The following DPP6 variants were observed in gnomAD, a reference collection of about 807,000 sequenced individuals.
DPP6 encodes the protein A-type potassium channel modulatory protein DPP6.
DPP6 carries 69 observed loss-of-function variants against 122.6 expected under a neutral mutation model. The observed-to-expected ratio is 0.56, with a 90% CI of 0.46 to 0.69. The LOEUF is 0.69. Ranked by LOEUF, DPP6 falls within the 30% of genes least tolerant of loss-of-function variation. The probability of loss-of-function intolerance (pLI) is 0.00; values close to 1 mark genes in which losing one functional copy is unlikely to be tolerated. For missense variants in DPP6, 928 were observed against 1,116.9 expected, an observed-to-expected ratio of 0.83 and a Z score of 2.41; for synonymous variants, 418 against 433.1, an observed-to-expected ratio of 0.97 and a Z score of 0.43.
At chr7:153,907,522 G>A (rs757175779) in intron 1 of DPP6, among the ~76,000 whole-genome samples, 2 of 152,236 alleles carry the variant, frequency 1.3e-5, no homozygotes, top group Non-Finnish European at 2.9e-5. Context: ...CAGTGCCCAG[G>A]TACGTTGTGA....
intron 1 of DPP6, among the ~76,000 whole-genome samples, chr7:154,344,433 G>A (rs1287765406): frequency 7.9e-5 from 12 of 152,192 alleles, no homozygotes; most frequent in African/African-American, 2.7e-4. Flanking sequence ...TGGCGAGGAT[G>A]TGGAGAAAAG....
chr7:154,157,323 G>T (rs62487215), intron 1 of DPP6, among the ~76,000 whole-genome samples: 5,068 of 152,306 alleles, frequency 0.033, 114 homozygotes, highest in East Asian at 0.053. Flanking sequence ...GGAAAGCCAG[G>T]AGCCCGGCAC....
intron 1 of DPP6, among the ~76,000 whole-genome samples, chr7:154,378,804 C>T (rs551203348): frequency 3.2e-4 from 49 of 152,298 alleles, no homozygotes; most frequent in African/African-American, 1.2e-3. Context: ...ACAATCAAGG[C>T]AGAAGGCAAA....
At chr7:153,898,106 C>T (rs955672807) in intron 1 of DPP6, among the ~76,000 whole-genome samples, 16 of 152,156 alleles carry the variant, frequency 1.1e-4, no homozygotes, top group African/African-American at 3.6e-4. Context: ...TTCTCATGTT[C>T]AATAGCACAG....
rs923456165 is a variant in DPP6 at position 154,246,595 on chromosome 7, A to C, written c.243+193532A>C. On this transcript the variant is annotated intron_variant, in intron 1 of 25. Coordinates refer to ENST00000377770, the MANE Select transcript of DPP6 (RefSeq NM_130797.4). ...GAATAGCTGAAACAGTCTTGAAAAA[A>C]AGAACAAATTTCAATAACTTCCACA... Among the ~76,000 whole-genome samples, 2 of 152,236 alleles carry C rather than the reference A, an allele frequency of 1.3e-5. 1 individual carries two copies. The highest frequency in any genetic ancestry group is 1.3e-4 in the Admixed American group (2 of 15,280).
intron 1 of DPP6, among the ~76,000 whole-genome samples, chr7:154,191,457 C>T (rs947477974): frequency 6.6e-6 from 1 of 152,118 alleles, no homozygotes; most frequent in Non-Finnish European, 1.5e-5. Flanking sequence ...ATCATAAGTG[C>T]AATGTGCGCA....
At chr7:154,831,756 G>C (rs578055125) in intron 16 of DPP6, among the ~76,000 whole-genome samples, 1 of 152,204 alleles carries the variant, frequency 6.6e-6, no homozygotes, top group Admixed American at 6.5e-5. Flanking sequence ...TATACCACGG[G>C]GTTTCTTTGC....
chr7:154,882,173 C>T (rs1033921752), intron 21 of DPP6, among the ~76,000 whole-genome samples: 1 of 152,176 alleles, frequency 6.6e-6, no homozygotes, highest in African/African-American at 2.4e-5. Flanking sequence ...CACAGAGAGG[C>T]TTTCTCAACA....
intron 1 of DPP6, among the ~76,000 whole-genome samples, chr7:154,306,838 C>T (rs1806390854): frequency 6.6e-6 from 1 of 152,162 alleles, no homozygotes; most frequent in Non-Finnish European, 1.5e-5. Flanking sequence ...TATAGCTTGA[C>T]AGGTTCAAAA....
At chr7:154,525,394 G>A (rs4725548) in intron 3 of DPP6, among the ~76,000 whole-genome samples, 4,267 of 152,290 alleles carry the variant, frequency 0.028, 95 homozygotes, top group East Asian at 0.087. Context: ...CTGGGCTCAA[G>A]CTATTCTCCT....
Position 154,100,640 on chromosome 7 carries a change from G to A in DPP6, c.243+47577G>A, listed in dbSNP as rs1402459061. Among the ~76,000 whole-genome samples, 7 of 85,694 alleles carry A rather than the reference G, an allele frequency of 8.2e-5. 2 individuals are homozygous for A. Among genetic ancestry groups the A allele is most frequent in the Non-Finnish European group, 1.5e-4 (7 of 46,132 alleles). 56.2% of individuals were successfully genotyped at this position (85,694 alleles called of 152,430 possible). A position where few individuals can be genotyped will look rare whatever the true frequency, so the allele number is the denominator to read the frequency against. ...TCTGCTCTGGCCTTCCGAGGCTTCC[G>A]CACTGCTGGCAGATGCTCCCCACGT... On this transcript the variant is annotated intron_variant, in intron 1 of 25. Transcript: ENST00000377770.
chr7:153,951,640 A>ATTATT (rs999956142), intron 1 of DPP6, among the ~76,000 whole-genome samples: 1 of 152,120 alleles, frequency 6.6e-6, no homozygotes, highest in Non-Finnish European at 1.5e-5. Context: ...GCGTGGTGAG[A>ATTATT]TTATTTTATT....
the DPP6 span, among the ~76,000 whole-genome samples, chr7:153,876,192 C>G: frequency 6.6e-6 from 1 of 151,850 alleles, no homozygotes; most frequent in Admixed American, 6.6e-5. Flanking sequence ...GACAAATCTA[C>G]AATCTTAGAT....
the DPP6 span, among the ~76,000 whole-genome samples, chr7:153,796,398 T>C: frequency 6.9e-6 from 1 of 144,392 alleles, no homozygotes; most frequent in East Asian, 2.0e-4. Context: ...TGAAATCTAC[T>C]TTATCTGATA....
chr7:154,142,541 C>T (rs1441955173), intron 1 of DPP6, among the ~76,000 whole-genome samples: 2 of 152,052 alleles, frequency 1.3e-5, no homozygotes, highest in African/African-American at 2.4e-5. Flanking sequence ...TCATTGCATC[C>T]CATCTTTAAG....
At chr7:154,372,984 C>G (rs1168430452) in intron 1 of DPP6, among the ~76,000 whole-genome samples, 1 of 152,198 alleles carries the variant, frequency 6.6e-6, no homozygotes, top group Non-Finnish European at 1.5e-5. Context: ...CGCGTCTCTT[C>G]CCCTCTTGGC....
chr7:154,861,653 C>A (rs1465493973), intron 17 of DPP6, among the ~76,000 whole-genome samples: 1 of 152,158 alleles, frequency 6.6e-6, no homozygotes, highest in African/African-American at 2.4e-5. Context: ...TCACATCAAG[C>A]AATTAGGATA....
intron 5 of DPP6, among the ~76,000 whole-genome samples, chr7:154,567,436 T>C (rs1830830059): frequency 6.6e-6 from 1 of 152,200 alleles, no homozygotes; most frequent in Non-Finnish European, 1.5e-5. Context: ...CTGTAAAATC[T>C]CACTGTGTAT....
At chr7:153,893,321 T>G (rs1799284344) in intron 1 of DPP6, among the ~76,000 whole-genome samples, 1 of 152,252 alleles carries the variant, frequency 6.6e-6, no homozygotes, top group African/African-American at 2.4e-5. Flanking sequence ...TGATCATCAT[T>G]TGGACTTTGA....
Sources: gnomAD v4.1 joint callset for allele counts (sites outside exome capture counted in the v4.1 genomes callset) on GRCh38, gnomAD v4.1.1 for gene constraint, MANE v1.5 for transcripts, NCBI Gene and HGNC (gene_info 2026-07-23, HGNC 2026-07-21) for gene names.